PIEZO2: variants seen among roughly 807,000 people sequenced by gnomAD.
The protein encoded by PIEZO2 is piezo type mechanosensitive ion channel component 2, also known as piezo-type mechanosensitive ion channel component 2.
A neutral mutation model predicts 337.3 loss-of-function variants in PIEZO2; 172 were observed. The ratio of observed to expected loss-of-function variants is 0.51; its 90% CI spans 0.45 to 0.58. PIEZO2 has a LOEUF of 0.58. PIEZO2 is among the 20% of genes least tolerant of loss of function. The pLI is 0.00. For synonymous variants in PIEZO2, 1,251 were observed against 1,228.5 expected, an observed-to-expected ratio of 1.02 and a Z score of -0.38; for missense variants, 3,028 against 3,391.3, an observed-to-expected ratio of 0.89 and a Z score of 2.66.
intron 1 of PIEZO2, among the ~76,000 whole-genome samples, chr18:11,108,624 A>G (rs1430486699): frequency 6.6e-6 from 1 of 151,292 alleles, no homozygotes; most frequent in South Asian, 2.1e-4. Context: ...AAAAAAAAAA[A>G]AAAAAAAAAA....
intron 2 of PIEZO2, among the ~76,000 whole-genome samples, chr18:11,008,573 G>A (rs1395135523): frequency 2.0e-5 from 3 of 152,214 alleles, no homozygotes; most frequent in East Asian, 1.9e-4. Flanking sequence ...AACATGACTC[G>A]GCTTCTGACC....
At chr18:10,741,375 T>G (rs1004556134) in intron 32 of PIEZO2, among the ~76,000 whole-genome samples, 1 of 152,226 alleles carries the variant, frequency 6.6e-6, no homozygotes, top group Non-Finnish European at 1.5e-5. Flanking sequence ...GAAAGGATTA[T>G]CTGTCAAAAA....
intron 2 of PIEZO2, among the ~76,000 whole-genome samples, chr18:10,985,568 A>G (rs1201771347): frequency 6.6e-6 from 1 of 152,020 alleles, no homozygotes; most frequent in Non-Finnish European, 1.5e-5. Flanking sequence ...TGCCAGTAGC[A>G]TGGTGTTTTA....
chr18:10,840,358 G>A (rs984779295), intron 7 of PIEZO2, among the ~76,000 whole-genome samples: 2 of 152,086 alleles, frequency 1.3e-5, no homozygotes, highest in Non-Finnish European at 2.9e-5. Context: ...GAAATTAAAA[G>A]GTTTAGAAGG....
intron 16 of PIEZO2, 116 bp downstream of exon 16, chr18:10,786,920 G>C: frequency 2.0e-6 from 2 of 1,019,984 alleles, no homozygotes; most frequent in South Asian, 3.3e-5. Context: ...CTATTATTGA[G>C]GAACTTATAG....
chr18:10,699,320 C>A, intron 43 of PIEZO2, 143 bp from the exon 44 acceptor site: 1 of 1,142,842 alleles, frequency 8.8e-7, no homozygotes, highest in Non-Finnish European at 1.2e-6. Context: ...CCCCATATCT[C>A]ATCTTGAATT....
intron 27 of PIEZO2, among the ~76,000 whole-genome samples, 200 bp from the exon 28 acceptor site, chr18:10,753,079 G>A (rs1469990956): frequency 6.6e-6 from 1 of 152,208 alleles, no homozygotes; most frequent in Non-Finnish European, 1.5e-5. Context: ...TGGAAACCGT[G>A]TATGCTTCTC....
At position 10,821,976 on chromosome 18, in the gene PIEZO2, T is replaced by C. The variant is rs2040533345; in HGVS notation, c.918-14702A>G. Among the ~76,000 whole-genome samples, 1 of 152,194 alleles carries C rather than the reference T, an allele frequency of 6.6e-6. No individual in the cohort carries two copies. Among genetic ancestry groups the C allele is most frequent in the African/African-American group, 2.4e-5 (1 of 41,452 alleles). The stretch of plus-strand genomic sequence containing the variant: ...TTACACATTTTGTAATGAAAATAGA[T>C]TTTCTAACAAGTTTCTTACCTTCTA... On this transcript the variant is annotated intron_variant, in intron 7 of 55. Transcript: ENST00000674853. This position sits in a 1 kb window ranked among gnomAD's most constrained non-coding sequence, Gnocchi z 4.2.
chr18:11,026,816 G>T (rs1427601974), intron 2 of PIEZO2, among the ~76,000 whole-genome samples: 1 of 152,186 alleles, frequency 6.6e-6, no homozygotes, highest in East Asian at 1.9e-4. Flanking sequence ...TAACCCATAA[G>T]TGGATTAGAA....
At chr18:11,091,519 A>G (rs2039091343) in intron 1 of PIEZO2, among the ~76,000 whole-genome samples, 1 of 152,250 alleles carries the variant, frequency 6.6e-6, no homozygotes, top group Non-Finnish European at 1.5e-5. Context: ...AGATTTTTAC[A>G]TTGAAAAAAT....
In PIEZO2 at chr18:11,019,281, C is replaced by T. The variant is rs569370886; in HGVS notation, c.161-39621G>A. Among the ~76,000 whole-genome samples the T allele has an allele frequency of 1.3e-4, 20 of 152,268 alleles. No homozygotes were observed. In the South Asian group the frequency reaches 1.7e-3, roughly 13 times the overall value. On this transcript the variant is annotated intron_variant, in intron 2 of 55. Transcript: ENST00000674853. Reference sequence around the variant, plus strand: ...AAGACATATGTCTTGTCACCTAATCCGCTACTTAAAATGCTTTAGGGCTTC... The same window carrying T: ...AAGACATATGTCTTGTCACCTAATCTGCTACTTAAAATGCTTTAGGGCTTC...
At chr18:11,024,454 G>A (rs1046222685) in intron 2 of PIEZO2, among the ~76,000 whole-genome samples, 36 of 150,858 alleles carry the variant, frequency 2.4e-4, no homozygotes, top group South Asian at 2.1e-4. Flanking sequence ...GCTGAGGCAG[G>A]AGAATGGTGT....
At position 10,724,401 on chromosome 18, in the gene PIEZO2, C is replaced by A. The variant is rs1254972562; in HGVS notation, c.5030-6142G>T. On this transcript the variant is annotated intron_variant, in intron 36 of 55. Coordinates refer to ENST00000674853, the MANE Select transcript of PIEZO2 (RefSeq NM_001378183.1). This position sits in a 1 kb window ranked among gnomAD's most constrained non-coding sequence, Gnocchi z 5.8. ...ACAAAAGTGCTTTCTCCTGGCCCAG[C>A]ATACTTGGGTGAAGTCTGCTGGAGG... Among the ~76,000 whole-genome samples the A allele has an allele frequency of 6.6e-6, 1 of 152,172 alleles. No homozygotes were observed. The highest frequency in any genetic ancestry group is 1.5e-5 in the Non-Finnish European group (1 of 68,018).
chr18:10,683,158 G>A (rs1264534582), intron 49 of PIEZO2, among the ~76,000 whole-genome samples: 3 of 152,260 alleles, frequency 2.0e-5, no homozygotes, highest in African/African-American at 7.2e-5. Context: ...ACTTGGCAAT[G>A]TGATTTATCT....
At chr18:10,955,445 G>A (rs1209446646) in intron 3 of PIEZO2, among the ~76,000 whole-genome samples, 3 of 152,156 alleles carry the variant, frequency 2.0e-5, no homozygotes, top group African/African-American at 7.2e-5. Context: ...TCATCATGCA[G>A]CCACTAGAAT....
chr18:11,059,926 G>A (rs1032674911), intron 2 of PIEZO2, among the ~76,000 whole-genome samples: 6 of 152,102 alleles, frequency 3.9e-5, no homozygotes, highest in African/African-American at 1.4e-4. Flanking sequence ...ATCTACAGAA[G>A]TCTCCACCCC....
chr18:11,138,334 A>G (rs1247572002), intron 1 of PIEZO2, among the ~76,000 whole-genome samples: 2 of 152,156 alleles, frequency 1.3e-5, no homozygotes, highest in African/African-American at 4.8e-5. Context: ...CTCATTCTGT[A>G]GCCCAAGCTG....
chr18:10,896,171 A>G (rs1483548330), intron 4 of PIEZO2, among the ~76,000 whole-genome samples: 1 of 152,182 alleles, frequency 6.6e-6, no homozygotes, highest in Non-Finnish European at 1.5e-5. Flanking sequence ...GACTGGGAGC[A>G]AACACTAACC....
In PIEZO2 at chr18:10,726,860, G is replaced by C; in HGVS notation, c.5029+4547C>G. 6.3e-7 allele frequency: 1 copy of C among 1,595,990 alleles called. No homozygotes were observed. Among genetic ancestry groups the C allele is most frequent in the Non-Finnish European group, 8.6e-7 (1 of 1,166,476 alleles). On this transcript the variant is annotated intron_variant, in intron 36 of 55. Coordinates refer to ENST00000674853, the MANE Select transcript of PIEZO2 (RefSeq NM_001378183.1). The surrounding 1 kb of genome is among the most constrained non-coding windows in gnomAD (Gnocchi z 5.9). ...CCCCACCTTATGCAGGACTTGGCAC[G>C]CTACCGGCAGCAGCTGAAGCACATC... is the stretch of plus-strand genomic sequence containing the variant.
Sources: allele counts gnomAD v4.1 joint callset (sites outside exome capture counted in the v4.1 genomes callset), GRCh38; gene constraint gnomAD v4.1.1; non-coding constraint Gnocchi (gnomAD v3.1); transcripts MANE v1.5; gene names NCBI Gene and HGNC (gene_info 2026-07-23, HGNC 2026-07-21).